The following DLG2 variants were observed in gnomAD, a reference collection of about 807,000 sequenced individuals.
DLG2 encodes the protein disks large homolog 2.
A neutral mutation model predicts 132.5 loss-of-function variants in DLG2; 45 were observed. The ratio of observed to expected loss-of-function variants is 0.34; its 90% CI spans 0.27 to 0.44. The LOEUF is 0.44. Ranked by LOEUF, DLG2 falls within the 20% of genes least tolerant of loss-of-function variation. The pLI, the probability that DLG2 is intolerant of heterozygous loss-of-function variation, is 1.00. For synonymous variants in DLG2, 424 were observed against 419.6 expected (o/e 1.01, Z -0.13); for missense variants, 1,045 against 1,196.9 (o/e 0.87, Z 1.87).
At chr11:83,884,986 A>G (rs1231528678) in intron 15 of DLG2, among the ~76,000 whole-genome samples, 1 of 152,146 alleles carries the variant, frequency 6.6e-6, no homozygotes, top group Non-Finnish European at 1.5e-5. Context: ...ATAAAACCAC[A>G]AAGATGGGGA....
At chr11:83,872,682 GCTTTTGCTAAT>G (rs1245196329) in intron 16 of DLG2, among the ~76,000 whole-genome samples, 1 of 152,144 alleles carries the variant, frequency 6.6e-6, no homozygotes, top group Admixed American at 6.5e-5. Context: ...TTGCTAATAA[GCTTTTGCTAAT>G]AAAAAGAAAG....
intron 21 of DLG2, among the ~76,000 whole-genome samples, chr11:83,529,162 A>T (rs2095677802): frequency 6.6e-6 from 1 of 152,034 alleles, no homozygotes; most frequent in South Asian, 2.1e-4. Flanking sequence ...ACACCCTATT[A>T]TCCTTCTCAT....
At chr11:85,527,914 T>C (rs779022269) in intron 3 of DLG2, among the ~76,000 whole-genome samples, 4 of 152,230 alleles carry the variant, frequency 2.6e-5, no homozygotes, top group Non-Finnish European at 5.9e-5. Context: ...TAGCATCTCA[T>C]TGTGGTTTTG....
intron 6 of DLG2, among the ~76,000 whole-genome samples, chr11:84,619,047 G>T (rs574510006): frequency 2.0e-3 from 306 of 151,998 alleles, no homozygotes; most frequent in African/African-American, 7.2e-3. Flanking sequence ...CTTACCTAAT[G>T]AATATAATTA....
intron 8 of DLG2, among the ~76,000 whole-genome samples, chr11:84,187,370 T>C (rs796328973): frequency 5.9e-5 from 9 of 152,052 alleles, no homozygotes; most frequent in African/African-American, 2.2e-4. Flanking sequence ...CTCTTGAAGG[T>C]GGTTTGTCAA....
In DLG2 at chr11:84,082,163, C is replaced by A. The variant is rs146489700; in HGVS notation, c.749+16760G>T. Among the ~76,000 whole-genome samples, 101 of 152,138 alleles carry A rather than the reference C, an allele frequency of 6.6e-4. 4 individuals carry two copies. The Middle Eastern group carries it at 0.041, about 61-fold the overall frequency. On this transcript the variant is annotated intron_variant, in intron 10 of 27. Transcript: ENST00000376104. ...TTTTCATTTAATACCATAACACAGTCATTTTATTTTAAAATACTTTGTAAA... is the reference window on the plus strand; with the variant it reads ...TTTTCATTTAATACCATAACACAGTAATTTTATTTTAAAATACTTTGTAAA...
chr11:85,250,192 G>C lies in DLG2; in HGVS notation c.186+35028C>G, dbSNP rs547980806. ...GGTTTTAAAGGCACAAAATTCTAAAGTCAAGTATCATAAATGCGTTTCTTT... is the reference window on the plus strand; with the variant it reads ...GGTTTTAAAGGCACAAAATTCTAAACTCAAGTATCATAAATGCGTTTCTTT... On this transcript the variant is annotated intron_variant, in intron 4 of 27. Coordinates refer to ENST00000376104, the MANE Select transcript of DLG2 (RefSeq NM_001142699.3). Among the ~76,000 whole-genome samples the C allele has an allele frequency of 3.9e-5, 6 of 152,208 alleles. No homozygotes were observed. In the South Asian group the frequency reaches 6.2e-4, roughly 16 times the overall value.
chr11:83,572,954 C>G (rs2096822790), intron 19 of DLG2, among the ~76,000 whole-genome samples: 1 of 152,160 alleles, frequency 6.6e-6, no homozygotes, highest in African/African-American at 2.4e-5. Flanking sequence ...CACTTTACAG[C>G]ATCATTAAGG....
chr11:84,096,063 A>C (rs1324253699), intron 10 of DLG2, among the ~76,000 whole-genome samples: 1 of 152,206 alleles, frequency 6.6e-6, no homozygotes, highest in Non-Finnish European at 1.5e-5. Context: ...TTTTAGGCAG[A>C]GACCACATGA....
intron 6 of DLG2, among the ~76,000 whole-genome samples, chr11:84,849,974 C>A (rs1247762969): frequency 2.0e-5 from 3 of 152,058 alleles, no homozygotes; most frequent in African/African-American, 7.2e-5. Flanking sequence ...ATCTAACTGC[C>A]TCCAGAAAAC....
At position 84,174,014 on chromosome 11, in the gene DLG2, C is replaced by CTTTTTTTTTTTTTTTTTTT. The variant is rs11338428; in HGVS notation, c.574-10522_574-10504dup. Among the ~76,000 whole-genome samples, 33 of 61,202 alleles carry CTTTTTTTTTTTTTTTTTTT rather than the reference C, an allele frequency of 5.4e-4. 6 individuals are homozygous for CTTTTTTTTTTTTTTTTTTT. Among genetic ancestry groups the CTTTTTTTTTTTTTTTTTTT allele is most frequent in the African/African-American group, 9.8e-4 (15 of 15,362 alleles). The allele number at this position is 61,202 out of a possible 152,430, so 40.2% of individuals were successfully genotyped here. On this transcript the variant is annotated intron_variant, in intron 8 of 27. Coordinates refer to ENST00000376104, the MANE Select transcript of DLG2 (RefSeq NM_001142699.3). Reference sequence around the variant, plus strand: ...CTGAGTTTTGACTTCACCCCCCGGCCTTTTTTTTTTTTTTTTTTTTTTCTG... The same window carrying CTTTTTTTTTTTTTTTTTTT: ...CTGAGTTTTGACTTCACCCCCCGGCCTTTTTTTTTTTTTTTTTTTTTTTTTTTTTTTTTTTTTTTTTCTG...
chr11:85,194,826 C>T (rs1248701358), intron 4 of DLG2, among the ~76,000 whole-genome samples: 4 of 152,146 alleles, frequency 2.6e-5, no homozygotes, highest in African/African-American at 9.7e-5. Context: ...TTATTTCCTT[C>T]ATTTATTCAT....
chr11:84,887,243 T>C (rs966521938), intron 6 of DLG2: 6 of 152,100 alleles, frequency 3.9e-5, no homozygotes, highest in African/African-American at 1.2e-4. Flanking sequence ...ACAAATAGTA[T>C]ACTGGAAACA....
intron 6 of DLG2, among the ~76,000 whole-genome samples, chr11:84,691,448 GA>G (rs925771984): frequency 4.0e-5 from 6 of 151,434 alleles, no homozygotes; most frequent in African/African-American, 1.2e-4. Flanking sequence ...AAAATCAGTA[GA>G]AAAAAATTTT....
At chr11:83,539,145 C>T (rs1027670732) in intron 20 of DLG2, among the ~76,000 whole-genome samples, 7 of 152,122 alleles carry the variant, frequency 4.6e-5, no homozygotes, top group Admixed American at 4.6e-4. Context: ...ACAACAGTGT[C>T]TAGCGTGCAA....
intron 4 of DLG2, among the ~76,000 whole-genome samples, chr11:85,259,799 T>A (rs116773932): frequency 6.6e-6 from 1 of 152,084 alleles, no homozygotes; most frequent in Admixed American, 6.6e-5. Flanking sequence ...CACCTCACTA[T>A]TTTTTTCAGG....
chr11:84,464,829 T>A (rs2099089803), intron 7 of DLG2, among the ~76,000 whole-genome samples: 1 of 151,052 alleles, frequency 6.6e-6, no homozygotes, highest in African/African-American at 2.4e-5. Context: ...TACAAATATG[T>A]AGTAATTAAT....
rs1565363590 is a variant in DLG2, at chr11:83,472,709, G to T, written c.2344+18C>A. ...TATGGCCCAGAAATTAGGAATGAAA[G>T]CGTGCTGGGAAACTTACTTTCCTGC... is the stretch of plus-strand genomic sequence containing the variant. On this transcript the variant is annotated intron_variant, in intron 23 of 27. Transcript: ENST00000376104. 4 of 1,608,784 alleles carry T rather than the reference G, an allele frequency of 2.5e-6. No individual in the cohort carries two copies. Among genetic ancestry groups the T allele is most frequent in the South Asian group, 1.1e-5 (1 of 90,596 alleles).
intron 3 of DLG2, among the ~76,000 whole-genome samples, chr11:85,460,827 T>C (rs960418421): frequency 1.3e-5 from 2 of 152,236 alleles, no homozygotes; most frequent in African/African-American, 4.8e-5. Context: ...AAGACCAAGG[T>C]TAGACATCTT....
Sources: allele counts gnomAD v4.1 joint callset (sites outside exome capture counted in the v4.1 genomes callset), GRCh38; gene constraint gnomAD v4.1.1; transcripts MANE v1.5; gene names NCBI Gene and HGNC (gene_info 2026-07-23, HGNC 2026-07-21).